LINGO2: variants seen among roughly 807,000 people sequenced by gnomAD.
LINGO2 encodes the protein leucine rich repeat and Ig domain containing 2.
In LINGO2, 14 loss-of-function variants were observed where a neutral mutation model predicts 30.6. That is an observed-to-expected ratio of 0.46 (90% CI 0.30 to 0.72). The LOEUF (loss-of-function observed/expected upper bound fraction) is 0.72. LINGO2 is among the 30% of genes least tolerant of loss of function. LINGO2 has a pLI of 0.07. For synonymous variants in LINGO2, 317 were observed against 288.5 expected (o/e 1.10, Z -1.00); for missense variants, 729 against 751.7 (o/e 0.97, Z 0.35).
intron 4 of LINGO2, among the ~76,000 whole-genome samples, chr9:28,255,114 T>A (rs971622081): frequency 2.6e-5 from 4 of 152,082 alleles, no homozygotes; most frequent in African/African-American, 9.7e-5. Flanking sequence ...GTTGTGAAAA[T>A]AGATTTATGT....
the LINGO2 span, among the ~76,000 whole-genome samples, chr9:28,973,473 G>A: frequency 0.56 from 85,670 of 151,988 alleles, 25,236 homozygotes; most frequent in Non-Finnish European, 0.65. Flanking sequence ...TTGAATCATG[G>A]GGGTAGTTCC....
At chr9:28,883,484 T>C in the LINGO2 span, among the ~76,000 whole-genome samples, 5 of 151,534 alleles carry the variant, frequency 3.3e-5, no homozygotes, top group Non-Finnish European at 7.4e-5. Flanking sequence ...CAAACACAAC[T>C]TCCCAAGGAA....
At chr9:28,586,761 G>A (rs1424826527) in intron 1 of LINGO2, among the ~76,000 whole-genome samples, 1 of 151,976 alleles carries the variant, frequency 6.6e-6, no homozygotes, top group African/African-American at 2.4e-5. Flanking sequence ...GTTTCTCAAA[G>A]GTGAGCAGGG....
At chr9:28,548,553 A>G (rs542523323) in intron 1 of LINGO2, among the ~76,000 whole-genome samples, 1 of 151,590 alleles carries the variant, frequency 6.6e-6, no homozygotes, top group East Asian at 1.9e-4. Context: ...AAAATACAAA[A>G]ATTAGCCAGG....
chr9:28,338,554 C>G (rs28616727), intron 3 of LINGO2, among the ~76,000 whole-genome samples: 11,072 of 152,022 alleles, frequency 0.073, 525 homozygotes, highest in African/African-American at 0.13. Context: ...GTGTCTCCAC[C>G]CAAATCTCAT....
intron 5 of LINGO2, among the ~76,000 whole-genome samples, chr9:27,951,963 G>A (rs1488579248): frequency 6.6e-6 from 1 of 151,982 alleles, no homozygotes; most frequent in South Asian, 2.1e-4. Flanking sequence ...TAAATCACTA[G>A]AAAATTTTCC....
In LINGO2 at chr9:28,235,409, A is replaced by G. The variant is rs188132585; in HGVS notation, c.-87+59799T>C. Among the ~76,000 whole-genome samples the G allele has an allele frequency of 2.0e-5, 3 of 152,296 alleles. No individual in the cohort carries two copies. The East Asian group carries it at 5.8e-4, about 29-fold the overall frequency. ...CCAGACTATAAAGACTATAGTAAAT[A>G]CCTAACTCTTCAATGCCCAGACACT... On this transcript the variant is annotated intron_variant, in intron 4 of 5. Transcript: ENST00000379992.
intron 1 of LINGO2, among the ~76,000 whole-genome samples, chr9:28,656,421 G>C (rs1379824365): frequency 6.6e-6 from 1 of 152,042 alleles, no homozygotes; most frequent in Admixed American, 6.6e-5. Flanking sequence ...AATCGCCCTA[G>C]TAATAAGAAA....
the LINGO2 span, among the ~76,000 whole-genome samples, chr9:28,883,507 C>T: frequency 0.086 from 13,066 of 151,090 alleles, 650 homozygotes; most frequent in African/African-American, 0.14. Context: ...CCCTCATTTC[C>T]CCCACTCAAA....
At chr9:28,737,536 A>G in the LINGO2 span, among the ~76,000 whole-genome samples, 1 of 152,176 alleles carries the variant, frequency 6.6e-6, no homozygotes. Flanking sequence ...GAGAACTTAC[A>G]TATATTTTCT....
chr9:28,862,070 G>A, the LINGO2 span, among the ~76,000 whole-genome samples: 1 of 151,984 alleles, frequency 6.6e-6, no homozygotes, highest in Non-Finnish European at 1.5e-5. Flanking sequence ...TTTTACAGGT[G>A]CCCCCTTTCA....
the LINGO2 span, among the ~76,000 whole-genome samples, chr9:29,159,782 C>T: frequency 2.2e-4 from 33 of 150,774 alleles, no homozygotes; most frequent in African/African-American, 8.0e-4. Flanking sequence ...CGCTTGAACC[C>T]AGGAGGCAGA....
the LINGO2 span, among the ~76,000 whole-genome samples, chr9:29,078,227 C>A: frequency 6.6e-6 from 1 of 151,828 alleles, no homozygotes; most frequent in Non-Finnish European, 1.5e-5. Flanking sequence ...AGGAAAAGAA[C>A]AAGTATGCTA....
chr9:28,991,457 G>A, the LINGO2 span, among the ~76,000 whole-genome samples: 1 of 148,394 alleles, frequency 6.7e-6, no homozygotes, highest in African/African-American at 2.5e-5. Context: ...TATTATCCAG[G>A]AGAACTTCCC....
At chr9:28,974,272 G>A in the LINGO2 span, among the ~76,000 whole-genome samples, 27 of 152,228 alleles carry the variant, frequency 1.8e-4, no homozygotes, top group African/African-American at 6.5e-4. Context: ...TGGGCGTGGT[G>A]GCGGGCACCT....
At chr9:28,923,639 G>A in the LINGO2 span, among the ~76,000 whole-genome samples, 3 of 11,282 alleles carry the variant, frequency 2.7e-4, no homozygotes, top group African/African-American at 6.6e-4. Flanking sequence ...TAGGCCACTC[G>A]GGATAATTGA....
chr9:28,880,620 G>A, the LINGO2 span, among the ~76,000 whole-genome samples: 13,316 of 152,092 alleles, frequency 0.088, 695 homozygotes, highest in African/African-American at 0.14. Context: ...AGACCTGACC[G>A]TCACCCAGCC....
the LINGO2 span, among the ~76,000 whole-genome samples, chr9:28,697,176 G>C: frequency 6.6e-6 from 1 of 151,920 alleles, no homozygotes; most frequent in African/African-American, 2.4e-5. Flanking sequence ...GGCAACTAGA[G>C]TGGAAATTCA....
At chr9:29,202,387 G>A in the LINGO2 span, among the ~76,000 whole-genome samples, 6 of 151,916 alleles carry the variant, frequency 3.9e-5, no homozygotes, top group South Asian at 4.1e-4. Flanking sequence ...TTTAAATTGA[G>A]TGGCTTTATT....
Sources: allele counts gnomAD v4.1 joint callset (sites outside exome capture counted in the v4.1 genomes callset), GRCh38; gene constraint gnomAD v4.1.1; transcripts MANE v1.5; gene names NCBI Gene and HGNC (gene_info 2026-07-23, HGNC 2026-07-21).